LSAMP: variants seen among roughly 807,000 people sequenced by gnomAD.
The protein encoded by LSAMP is limbic system-associated membrane protein.
Under a neutral mutation model 38.6 loss-of-function variants are expected in LSAMP, and 7 were observed. The ratio of observed to expected loss-of-function variants is 0.18; its 90% CI spans 0.10 to 0.34. The LOEUF is 0.34. Among genes scored for constraint, LSAMP ranks in the 10% least tolerant of loss-of-function variants. LSAMP has a pLI of 1.00. For synonymous variants in LSAMP, 154 were observed against 166.8 expected (o/e 0.92, Z 0.59); for missense variants, 313 against 420.0 (o/e 0.75, Z 2.23).
chr3:116,440,488 C>T (rs7647924), intron 1 of LSAMP, among the ~76,000 whole-genome samples: 1 of 152,162 alleles, frequency 6.6e-6, no homozygotes, highest in Non-Finnish European at 1.5e-5. Context: ...AAATAAAAAT[C>T]TCCTGTGTAT....
In LSAMP at chr3:116,204,772, G is replaced by A. The variant is rs868196204; in HGVS notation, c.156-118216C>T. Among the ~76,000 whole-genome samples the A allele has an allele frequency of 2.1e-4, 31 of 150,834 alleles. No individual in the cohort carries two copies. In the Middle Eastern group the frequency reaches 0.01, roughly 51 times the overall value. On this transcript the variant is annotated intron_variant, in intron 1 of 6. Transcript: ENST00000490035. ...TTCCATTGATCTATCTCTCTGTTTT[G>A]GTACCAGTACCATGCTGTTTTGGTT...
intron 3 of LSAMP, among the ~76,000 whole-genome samples, chr3:115,899,101 A>G (rs1034943505): frequency 1.3e-5 from 2 of 152,172 alleles, no homozygotes; most frequent in Non-Finnish European, 2.9e-5. Flanking sequence ...TCATTTTAAT[A>G]TGTTAAACAC....
chr3:116,177,389 G>A (rs980308459), intron 1 of LSAMP, among the ~76,000 whole-genome samples: 1 of 151,996 alleles, frequency 6.6e-6, no homozygotes, highest in African/African-American at 2.4e-5. Flanking sequence ...AGGAATCTGT[G>A]TAATACAGAG....
intron 1 of LSAMP, among the ~76,000 whole-genome samples, chr3:116,111,669 T>C (rs1034863471): frequency 6.6e-6 from 1 of 152,218 alleles, no homozygotes; most frequent in African/African-American, 2.4e-5. Flanking sequence ...AAAATTTGTT[T>C]AGTATATTAT....
At chr3:115,875,502 T>C (rs1304466379) in intron 3 of LSAMP, among the ~76,000 whole-genome samples, 4 of 152,128 alleles carry the variant, frequency 2.6e-5, no homozygotes, top group Non-Finnish European at 5.9e-5. Context: ...AATATCACTA[T>C]GTGCTAGGCC....
intron 4 of LSAMP, among the ~76,000 whole-genome samples, chr3:115,847,043 T>C (rs1471875340): frequency 1.3e-5 from 2 of 152,160 alleles, no homozygotes; most frequent in Non-Finnish European, 2.9e-5. Flanking sequence ...ATCAGTAATA[T>C]GAGAGCACTT....
intron 1 of LSAMP, among the ~76,000 whole-genome samples, chr3:116,360,322 A>C: frequency 2.0e-5 from 1 of 51,084 alleles, no homozygotes; most frequent in Non-Finnish European, 3.9e-5. Context: ...ACGGCGCACC[A>C]CGAGACTATA....
intron 3 of LSAMP, among the ~76,000 whole-genome samples, chr3:115,903,442 T>C (rs1006111583): frequency 2.6e-5 from 4 of 152,078 alleles, no homozygotes; most frequent in African/African-American, 4.8e-5. Flanking sequence ...CCCAGTGACA[T>C]GAGTTTACCT....
intron 3 of LSAMP, among the ~76,000 whole-genome samples, chr3:115,967,801 C>T (rs78939095): frequency 3.3e-5 from 5 of 151,820 alleles, no homozygotes; most frequent in African/African-American, 1.2e-4. Flanking sequence ...CTCACTATCA[C>T]GAGAACAGCA....
At chr3:116,131,805 G>A (rs1709140576) in intron 1 of LSAMP, among the ~76,000 whole-genome samples, 1 of 151,506 alleles carries the variant, frequency 6.6e-6, no homozygotes, top group Non-Finnish European at 1.5e-5. Context: ...TCCTATAACA[G>A]TAGCCTCCTA....
intron 1 of LSAMP, among the ~76,000 whole-genome samples, chr3:116,385,638 A>C (rs2048616672): frequency 6.6e-6 from 1 of 152,150 alleles, no homozygotes; most frequent in South Asian, 2.1e-4. Flanking sequence ...TAAGAGACTC[A>C]TGATTATTAA....
At chr3:116,443,855 G>T (rs1576230130) in intron 1 of LSAMP, among the ~76,000 whole-genome samples, 1 of 152,248 alleles carries the variant, frequency 6.6e-6, no homozygotes, top group African/African-American at 2.4e-5. Context: ...CTAGAAAAAA[G>T]AACAAGGGGT....
chr3:115,877,762 C>T (rs1936220318), intron 3 of LSAMP, among the ~76,000 whole-genome samples: 1 of 152,130 alleles, frequency 6.6e-6, no homozygotes, highest in South Asian at 2.1e-4. Flanking sequence ...GGCATGCTTT[C>T]TGTGTCCTTC....
At chr3:116,372,971 A>T (rs1382759396) in intron 1 of LSAMP, among the ~76,000 whole-genome samples, 3 of 151,456 alleles carry the variant, frequency 2.0e-5, no homozygotes, top group Non-Finnish European at 4.4e-5. Context: ...GTTGTGGAAT[A>T]CCAACACCTG....
intron 3 of LSAMP, among the ~76,000 whole-genome samples, chr3:115,948,186 C>T (rs1438416930): frequency 6.6e-6 from 1 of 152,150 alleles, no homozygotes; most frequent in Non-Finnish European, 1.5e-5. Flanking sequence ...TCATAAGTAA[C>T]AAATCATATA....
At chr3:116,252,013 A>C (rs115649069) in intron 1 of LSAMP, among the ~76,000 whole-genome samples, 1,648 of 152,320 alleles carry the variant, frequency 0.011, 23 homozygotes, top group African/African-American at 0.038. Flanking sequence ...TGAATTGTTT[A>C]ACATACAAGA....
chr3:116,370,899 C>T (rs957182114), intron 1 of LSAMP, among the ~76,000 whole-genome samples: 1 of 152,076 alleles, frequency 6.6e-6, no homozygotes, highest in Non-Finnish European at 1.5e-5. Flanking sequence ...GTGAGGACAT[C>T]GCTACTGATT....
intron 3 of LSAMP, among the ~76,000 whole-genome samples, chr3:115,948,958 C>A (rs12629910): frequency 0.78 from 117,915 of 152,062 alleles, 48,840 homozygotes; most frequent in East Asian, 0.98. Context: ...CATGGTAAAA[C>A]CCCATCTCTA....
At chr3:116,254,716 G>A (rs960926106) in intron 1 of LSAMP, among the ~76,000 whole-genome samples, 1 of 152,180 alleles carries the variant, frequency 6.6e-6, no homozygotes, top group Non-Finnish European at 1.5e-5. Context: ...TCTGTTTAGT[G>A]ATTTGACTTT....
Sources: allele counts gnomAD v4.1 joint callset (sites outside exome capture counted in the v4.1 genomes callset), GRCh38; gene constraint gnomAD v4.1.1; transcripts MANE v1.5; gene names NCBI Gene and HGNC (gene_info 2026-07-23, HGNC 2026-07-21).